GALNT16: variants seen among roughly 807,000 people sequenced by gnomAD.
GALNT16 encodes the protein polypeptide N-acetylgalactosaminyltransferase 16.
GALNT16 carries 40 observed loss-of-function variants against 76.1 expected under a neutral mutation model. The ratio of observed to expected loss-of-function variants is 0.53; its 90% CI spans 0.41 to 0.68. GALNT16 has a LOEUF of 0.68. Ranked by LOEUF, GALNT16 falls within the 30% of genes least tolerant of loss-of-function variation. The pLI is 0.00. For missense variants in GALNT16, 621 were observed against 731.9 expected (o/e 0.85, Z 1.75); for synonymous variants, 276 against 285.2 (o/e 0.97, Z 0.32).
chr14:69,290,388 A>T (rs140673697), intron 1 of GALNT16, among the ~76,000 whole-genome samples: 1 of 152,320 alleles, frequency 6.6e-6, no homozygotes, highest in African/African-American at 2.4e-5. Context: ...CTGTCCCAAG[A>T]CATCAGAATT....
At chr14:69,309,428 G>A (rs1056058940) in intron 1 of GALNT16, among the ~76,000 whole-genome samples, 11 of 151,736 alleles carry the variant, frequency 7.2e-5, no homozygotes, top group Non-Finnish European at 1.6e-4. Context: ...TCAATCTCCT[G>A]AGTAGCTGGG....
chr14:69,384,247 T>C, the GALNT16 span, among the ~76,000 whole-genome samples: 1 of 152,256 alleles, frequency 6.6e-6, no homozygotes, highest in Non-Finnish European at 1.5e-5. Context: ...TCCTGACTTC[T>C]TCAATCTAGT....
the GALNT16 span, among the ~76,000 whole-genome samples, chr14:69,371,868 C>T: frequency 1.2e-3 from 179 of 151,828 alleles, no homozygotes; most frequent in African/African-American, 4.1e-3. Flanking sequence ...TGCTTGAAGC[C>T]GGGAGGTGGA....
At chr14:69,318,830 T>A (rs2045137961) in intron 1 of GALNT16, among the ~76,000 whole-genome samples, 1 of 152,234 alleles carries the variant, frequency 6.6e-6, no homozygotes, top group Non-Finnish European at 1.5e-5. Flanking sequence ...GACCTAGAGC[T>A]AAGAGGGCAT....
chr14:69,314,388 C>T (rs1474434198), intron 1 of GALNT16, among the ~76,000 whole-genome samples: 1 of 152,212 alleles, frequency 6.6e-6, no homozygotes, highest in East Asian at 1.9e-4. Flanking sequence ...GAGTTCAAAG[C>T]CCTGGCCAGT....
chr14:69,315,140 A>G (rs905104152), intron 1 of GALNT16, among the ~76,000 whole-genome samples: 2 of 152,192 alleles, frequency 1.3e-5, no homozygotes, highest in African/African-American at 2.4e-5. Flanking sequence ...ATTTAGCAGG[A>G]AGCAATAAGC....
At chr14:69,317,215 C>G (rs140744219) in intron 1 of GALNT16, among the ~76,000 whole-genome samples, 2 of 152,304 alleles carry the variant, frequency 1.3e-5, no homozygotes, top group Non-Finnish European at 2.9e-5. Flanking sequence ...TGCATTTACT[C>G]CCTCGCCAAT....
chr14:69,378,540 T>C, the GALNT16 span, among the ~76,000 whole-genome samples: 1 of 152,102 alleles, frequency 6.6e-6, no homozygotes, highest in Non-Finnish European at 1.5e-5. Flanking sequence ...AAGGCTACTT[T>C]AGGCTCTTTT....
intron 14 of GALNT16, 122 bp downstream of exon 14, chr14:69,348,124 G>A (rs1431202833): frequency 1.1e-6 from 1 of 938,012 alleles, no homozygotes; most frequent in Non-Finnish European, 1.7e-6. Flanking sequence ...GAGGATCTGT[G>A]GGGAGGGGGA....
intron 1 of GALNT16, among the ~76,000 whole-genome samples, chr14:69,279,160 G>A (rs2044509310): frequency 6.6e-6 from 1 of 152,110 alleles, no homozygotes; most frequent in Non-Finnish European, 1.5e-5. Context: ...TCGAAATCCT[G>A]ACCTCAGGTG....
chr14:69,302,256 GA>G (rs574998678), intron 1 of GALNT16, among the ~76,000 whole-genome samples: 65 of 152,104 alleles, frequency 4.3e-4, no homozygotes, highest in African/African-American at 1.5e-3. Flanking sequence ...AAGAAAACTT[GA>G]AAAAAATCTT....
intron 6 of GALNT16, among the ~76,000 whole-genome samples, chr14:69,330,327 C>A (rs1453763662): frequency 6.6e-6 from 1 of 152,174 alleles, no homozygotes; most frequent in Non-Finnish European, 1.5e-5. Flanking sequence ...CACGAAAAGC[C>A]ATACATTATA....
chr14:69,357,509 C>T (rs1010460681), downstream of GALNT16: 2 of 152,272 alleles, frequency 1.3e-5, no homozygotes, highest in African/African-American at 2.4e-5. Context: ...ACAGCCTGTG[C>T]TTCTTGAGCT....
intron 12 of GALNT16, among the ~76,000 whole-genome samples, chr14:69,344,289 G>A (rs1433853368): frequency 1.3e-5 from 2 of 152,252 alleles, no homozygotes; most frequent in South Asian, 2.1e-4. Context: ...CAGGCTGTGC[G>A]TTGCACAAGC....
In GALNT16 at chr14:69,260,479, C is replaced by T. The variant is rs749974973; in HGVS notation, c.177+12C>T. The T allele has an allele frequency of 2.9e-6, 4 of 1,379,308 alleles. No homozygotes were observed. Among genetic ancestry groups the T allele is most frequent in the Non-Finnish European group, 3.7e-6 (4 of 1,066,982 alleles). The allele number at this position is 1,379,308 out of a possible 1,614,324, so 85.4% of individuals were successfully genotyped here. A position where few individuals can be genotyped will look rare whatever the true frequency, so the allele number is the denominator to read the frequency against. On this transcript the variant is annotated intron_variant, in intron 1 of 14. Transcript: ENST00000448469. ...CCATCCCGCTCATTGTGAGTACGCC[C>T]CGAGCGTCGGCCGGCCGGCTAGGGA... is the stretch of plus-strand genomic sequence containing the variant.
intron 13 of GALNT16, 70 bp from the exon 14 acceptor site, chr14:69,347,806 TC>T (rs2045585947): frequency 3.3e-5 from 51 of 1,545,412 alleles, no homozygotes; most frequent in Non-Finnish European, 4.3e-5. Context: ...TTTTGCTTTA[TC>T]CCCTATCTAC....
At chr14:69,338,888 C>A in intron 10 of GALNT16, 111 bp downstream of exon 10, 1 of 820,486 alleles carries the variant, frequency 1.2e-6, no homozygotes, top group Non-Finnish European at 1.9e-6. Flanking sequence ...ACTTCTTGGG[C>A]CTCAGTTTCC....
At position 69,338,700 on chromosome 14, in the gene GALNT16, C is replaced by G. The variant is rs754354389; in HGVS notation, c.1017C>G (p.Pro339=). 1 of 1,614,030 alleles carries G rather than the reference C, an allele frequency of 6.2e-7. No individual in the cohort carries two copies. The highest frequency in any genetic ancestry group is 8.5e-7 in the Non-Finnish European group (1 of 1,179,956). The change falls in exon 10 of 15, where the codon CCC becomes CCG. Residue 339 remains proline, a synonymous_variant. Transcript: ENST00000448469. The stretch of plus-strand genomic sequence containing the variant: ...GTGGTGGCAGTCTGGAGATCGTCCC[C>G]TGCAGCCGGGTGGGCCATGTCTTCA... ...WMCGGSLEIV[P]CSRVGHVFRK... is the part of the protein sequence containing the mutation.
intron 1 of GALNT16, among the ~76,000 whole-genome samples, chr14:69,263,900 G>A (rs1293115172): frequency 6.6e-6 from 1 of 152,216 alleles, no homozygotes; most frequent in African/African-American, 2.4e-5. Flanking sequence ...ACCCGATGCA[G>A]CGAGGCAGTA....
Sources: gnomAD v4.1 joint callset for allele counts (sites outside exome capture counted in the v4.1 genomes callset) on GRCh38, gnomAD v4.1.1 for gene constraint, MANE v1.5 for transcripts, NCBI Gene and HGNC (gene_info 2026-07-23, HGNC 2026-07-21) for gene names.